Variants in HIC2 observed in about 807,000 individuals in gnomAD.
HIC2 encodes HIC ZBTB transcriptional repressor 2.
A neutral mutation model predicts 39.5 loss-of-function variants in HIC2; 2 were observed. That is an observed-to-expected ratio of 0.05 (90% CI 0.02 to 0.16). The LOEUF is 0.16. Among genes scored for constraint, HIC2 ranks in the 10% least tolerant of loss-of-function variants. HIC2 has a pLI of 1.00. For synonymous variants in HIC2, 399 were observed against 368.8 expected, an observed-to-expected ratio of 1.08 and a Z score of -0.94; for missense variants, 713 against 863.5, an observed-to-expected ratio of 0.83 and a Z score of 2.18.
At position 21,445,453 on chromosome 22, in the gene HIC2, C is replaced by T. The variant is rs762669753; in HGVS notation, c.558C>T (p.His186=). The T allele has an allele frequency of 4.7e-5, 72 of 1,535,702 alleles. No homozygotes were observed. The highest frequency in any genetic ancestry group is 1.8e-4 in the Middle Eastern group (1 of 5,690). The change falls in exon 3 of 3, where the codon CAC becomes CAT. Residue 186 remains histidine, a synonymous_variant. Coordinates refer to ENST00000407464, the MANE Select transcript of HIC2 (RefSeq NM_015094.3). ...QGLVDGRKGA[H]APQELPQAKG... is the part of the protein sequence containing the mutation. ...TCGTGGATGGGCGCAAGGGGGCCCA[C>T]GCCCCCCAGGAGCTCCCCCAAGCCA...
At chr22:21,430,878 A>C (rs1299436923) in intron 1 of HIC2, among the ~76,000 whole-genome samples, 1 of 111,654 alleles carries the variant, frequency 9.0e-6, no homozygotes, top group African/African-American at 3.9e-5. Context: ...AAAAAAAAAA[A>C]AAAAACAAAG....
At position 21,447,571 on chromosome 22, in the gene HIC2, C is replaced by G. The variant is rs1425966058; in HGVS notation, c.*828C>G. ...CCAAAGGCTTCCCTGGTCCCTGAGC[C>G]CTGCCTCGGCTGCCTCAGGGGAGAG... On this transcript the variant is annotated 3_prime_UTR_variant, in exon 3 of 3. Coordinates refer to ENST00000407464, the MANE Select transcript of HIC2 (RefSeq NM_015094.3). 2.0e-5 allele frequency: 3 copies of G among 152,716 alleles called. No homozygotes were observed. Among genetic ancestry groups the G allele is most frequent in the African/African-American group, 4.8e-5 (2 of 41,452 alleles). 9.5% of individuals were successfully genotyped at this position (152,716 alleles called of 1,614,324 possible).
chr22:21,431,928 G>A (rs1420409354), intron 1 of HIC2, among the ~76,000 whole-genome samples: 1 of 123,532 alleles, frequency 8.1e-6, no homozygotes, highest in African/African-American at 2.9e-5. Flanking sequence ...CTATGATCGC[G>A]CCACTGCACT....
In HIC2 at chr22:21,446,306, A is replaced by G; in HGVS notation, c.1411A>G (p.Ile471Val). 2 of 1,613,238 alleles carry G rather than the reference A, an allele frequency of 1.2e-6. No homozygotes were observed. The highest frequency in any genetic ancestry group is 8.5e-7 in the Non-Finnish European group (1 of 1,179,992). The change falls in exon 3 of 3, where the codon ATC (isoleucine) becomes GTC (valine). Residue 471 changes from isoleucine to valine, a missense_variant. Ile to Val is a conservative substitution (Grantham distance 29). This residue lies in a region of HIC2 where 103 missense variants were observed against 103.4 expected (regional missense o/e 1.00). Coordinates refer to ENST00000407464, the MANE Select transcript of HIC2 (RefSeq NM_015094.3). ...GACTCACACGGAGGAAGAGCTGTTC[A>G]TCAAGGAAGAGGGGGCCTACGAGAC... ...VETHTEEELF[I>V]KEEGAYETGS...
chr22:21,445,141 C>G lies in HIC2; in HGVS notation c.246C>G (p.Asn82Lys). The change falls in exon 3 of 3, where the codon AAC becomes AAG. Residue 82 changes from asparagine (N) to lysine (K), a missense_variant. Physicochemically the swap from Asn to Lys is moderately conservative, Grantham distance 94. Transcript: ENST00000407464. ...TGGTCCTGCACGACAACCTCATCAA[C>G]CTGGACACAGACATGGTCAGCTCCA... ...KSLVLHDNLI[N>K]LDTDMVSSTV... 1 of 1,614,220 alleles carries G rather than the reference C, an allele frequency of 6.2e-7. No homozygotes were observed. The highest frequency in any genetic ancestry group is 8.5e-7 in the Non-Finnish European group (1 of 1,180,042).
Position 21,447,478 on chromosome 22 carries a change from GT to G in HIC2, c.*736del, listed in dbSNP as rs1923920587. The G allele has an allele frequency of 6.5e-6, 1 of 152,674 alleles. No individual in the cohort carries two copies. The highest frequency in any genetic ancestry group is 1.5e-5 in the Non-Finnish European group (1 of 68,036). 9.5% of individuals were successfully genotyped at this position (152,674 alleles called of 1,614,324 possible). A position where few individuals can be genotyped will look rare whatever the true frequency, so the allele number is the denominator to read the frequency against. On this transcript the variant is annotated 3_prime_UTR_variant, in exon 3 of 3. Transcript: ENST00000407464. The stretch of plus-strand genomic sequence containing the variant: ...ACAGGGGCCGCTGGCACTCCTGCGC[GT>G]CCCCCGGCTCTGGCGCTGCAGGGGT...
chr22:21,425,565 G>T (rs1415616583), intron 1 of HIC2, among the ~76,000 whole-genome samples: 1 of 48,576 alleles, frequency 2.1e-5, no homozygotes, highest in East Asian at 3.6e-4. Flanking sequence ...TTTTTGAGAC[G>T]GAGTCTTGCC....
rs777592136 is a variant in HIC2 at position 21,446,340 on chromosome 22, G to C, written c.1445G>C (p.Gly482Ala). 1.2e-6 allele frequency: 2 copies of C among 1,612,920 alleles called. No individual in the cohort carries two copies. Among genetic ancestry groups the C allele is most frequent in the Non-Finnish European group, 1.7e-6 (2 of 1,179,972 alleles). The change falls in exon 3 of 3, where the codon GGG (glycine) becomes GCG (alanine). Residue 482 changes from glycine to alanine, a missense_variant. Coordinates refer to ENST00000407464, the MANE Select transcript of HIC2 (RefSeq NM_015094.3). The part of the protein sequence containing the change: ...KEEGAYETGS[G>A]GAEEEAEDLS... ...GAGGGGGCCTACGAGACAGGCAGTG[G>C]GGGTGCCGAGGAGGAGGCCGAGGAC...
intron 1 of HIC2, among the ~76,000 whole-genome samples, chr22:21,421,543 A>G (rs1401046156): frequency 1.4e-5 from 1 of 69,824 alleles, no homozygotes; most frequent in Non-Finnish European, 4.5e-5. Context: ...TATTCAATTT[A>G]TTTTTTATGG....
rs1923992693 is a variant in HIC2, at chr22:21,448,628, C to G, written c.*1885C>G. On this transcript the variant is annotated 3_prime_UTR_variant, in exon 3 of 3. Transcript: ENST00000407464. Reference sequence around the variant, plus strand: ...CCCCACCCCTCTAGAGACCCTCCAGCTAAAAACAGAGCCTGAGTTCAGGGA... The same window carrying G: ...CCCCACCCCTCTAGAGACCCTCCAGGTAAAAACAGAGCCTGAGTTCAGGGA... The G allele has an allele frequency of 6.5e-6, 1 of 152,730 alleles. No homozygotes were observed. Among genetic ancestry groups the G allele is most frequent in the Admixed American group, 6.5e-5 (1 of 15,276 alleles). The allele number at this position is 152,730 out of a possible 1,614,324, so 9.5% of individuals were successfully genotyped here. A position where few individuals can be genotyped will look rare whatever the true frequency, so the allele number is the denominator to read the frequency against.
rs891352096 is a variant in HIC2, at chr22:21,448,543, TTCTC to T, written c.*1806_*1809del. On this transcript the variant is annotated 3_prime_UTR_variant, in exon 3 of 3. Coordinates refer to ENST00000407464, the MANE Select transcript of HIC2 (RefSeq NM_015094.3). ...TGTCATCTTGCTTCACCATTTTTTT[TTCTC>T]TCTCTTTTCATTCTATTTTAAGTTT... is the stretch of plus-strand genomic sequence containing the variant. The T allele has an allele frequency of 2.6e-5, 4 of 152,812 alleles. No homozygotes were observed. Among genetic ancestry groups the T allele is most frequent in the African/African-American group, 9.6e-5 (4 of 41,492 alleles). The allele number at this position is 152,812 out of a possible 1,614,324, so 9.5% of individuals were successfully genotyped here. A position where few individuals can be genotyped will look rare whatever the true frequency, so the allele number is the denominator to read the frequency against.
At position 21,450,881 on chromosome 22, in the gene HIC2, C is replaced by T. The variant is rs1924148686; in HGVS notation, c.*4138C>T. On this transcript the variant is annotated 3_prime_UTR_variant, in exon 3 of 3. Coordinates refer to ENST00000407464, the MANE Select transcript of HIC2 (RefSeq NM_015094.3). The stretch of plus-strand genomic sequence containing the variant: ...TCAGTCACCCCACTTTAACTTTCTA[C>T]CAGGACCCCCTCCCCCTACCTCACC... 6.5e-6 allele frequency: 1 copy of T among 152,818 alleles called. No individual in the cohort carries two copies. The highest frequency in any genetic ancestry group is 1.5e-5 in the Non-Finnish European group (1 of 68,080). 9.5% of individuals were successfully genotyped at this position (152,818 alleles called of 1,614,324 possible). A position where few individuals can be genotyped will look rare whatever the true frequency, so the allele number is the denominator to read the frequency against.
chr22:21,451,244 T>C lies in HIC2; in HGVS notation c.*4501T>C, dbSNP rs2148349967. On this transcript the variant is annotated 3_prime_UTR_variant, in exon 3 of 3. Coordinates refer to ENST00000407464, the MANE Select transcript of HIC2 (RefSeq NM_015094.3). Reference sequence around the variant, plus strand: ...GGGGGGAGGGACACCGGGATCGCACTCCTGTACTGGCCACCGCCGCTGTCA... The same window carrying C: ...GGGGGGAGGGACACCGGGATCGCACCCCTGTACTGGCCACCGCCGCTGTCA... 6.5e-6 allele frequency: 1 copy of C among 152,934 alleles called. No individual in the cohort carries two copies. Among genetic ancestry groups the C allele is most frequent in the African/African-American group, 2.4e-5 (1 of 41,582 alleles). 9.5% of individuals were successfully genotyped at this position (152,934 alleles called of 1,614,324 possible). A position where few individuals can be genotyped will look rare whatever the true frequency, so the allele number is the denominator to read the frequency against.
rs1433542542 is a variant in HIC2, at chr22:21,450,307, G to A, written c.*3564G>A. On this transcript the variant is annotated 3_prime_UTR_variant, in exon 3 of 3. Transcript: ENST00000407464. Reference sequence around the variant, plus strand: ...ACTCGCAGCATAGCCATACACCTCAGCCTGTGAAATGAACGATCCGGACCC... The same window carrying A: ...ACTCGCAGCATAGCCATACACCTCAACCTGTGAAATGAACGATCCGGACCC... 6.5e-6 allele frequency: 1 copy of A among 152,766 alleles called. No individual in the cohort carries two copies. The highest frequency in any genetic ancestry group is 2.4e-5 in the African/African-American group (1 of 41,436). 9.5% of individuals were successfully genotyped at this position (152,766 alleles called of 1,614,324 possible).
At position 21,446,677 on chromosome 22, in the gene HIC2, C is replaced by T. The variant is rs759699909; in HGVS notation, c.1782C>T (p.Cys594=). The T allele has an allele frequency of 5.0e-6, 8 of 1,613,674 alleles. No homozygotes were observed. Among genetic ancestry groups the T allele is most frequent in the South Asian group, 3.3e-5 (3 of 91,068 alleles). Residue 594 remains cysteine (C), a synonymous_variant, in exon 3 of 3, where the codon TGC becomes TGT. Coordinates refer to ENST00000407464, the MANE Select transcript of HIC2 (RefSeq NM_015094.3). ...SGEKPYECQL[C]GGKFTQQRNL... Reference sequence around the variant, plus strand: ...AGAAACCTTACGAGTGCCAGCTGTGCGGGGGCAAGTTCACCCAGCAGCGCA... The same window carrying T: ...AGAAACCTTACGAGTGCCAGCTGTGTGGGGGCAAGTTCACCCAGCAGCGCA...
rs1923913806 is a variant in HIC2 at position 21,447,359 on chromosome 22, CTTTTTGATTTTTG to C, written c.*622_*634del. On this transcript the variant is annotated 3_prime_UTR_variant, in exon 3 of 3. Coordinates refer to ENST00000407464, the MANE Select transcript of HIC2 (RefSeq NM_015094.3). ...CCTACTGATCTGTTCCTCTGTTTTT[CTTTTTGATTTTTG>C]TTTTTTAAACCAAAACAGACAATAG... 1.3e-5 allele frequency: 2 copies of C among 152,900 alleles called. No homozygotes were observed. The highest frequency in any genetic ancestry group is 2.9e-5 in the Non-Finnish European group (2 of 68,120). 9.5% of individuals were successfully genotyped at this position (152,900 alleles called of 1,614,324 possible).
At position 21,421,757 on chromosome 22, in the gene HIC2, G is replaced by C. The variant is rs1388674911; in HGVS notation, c.-74+4197G>C. The stretch of plus-strand genomic sequence containing the variant: ...TAAGGGTGATCACACATGGGGTGTG[G>C]TGAGGAGGGAGTATGTGGAGTCCCC... On this transcript the variant is annotated intron_variant, in intron 1 of 2. Coordinates refer to ENST00000407464, the MANE Select transcript of HIC2 (RefSeq NM_015094.3). 5.3e-5 allele frequency among the ~76,000 whole-genome samples: 4 copies of C among 75,974 alleles called. 1 individual carries two copies. The highest frequency in any genetic ancestry group is 1.6e-4 in the Non-Finnish European group (4 of 25,766). 49.8% of individuals were successfully genotyped at this position (75,974 alleles called of 152,430 possible).
chr22:21,444,739 G>A (rs866451225), intron 2 of HIC2, among the ~76,000 whole-genome samples, 183 bp from the exon 3 acceptor site: 1 of 152,216 alleles, frequency 6.6e-6, no homozygotes, highest in South Asian at 2.1e-4. Context: ...GAGGTGACAC[G>A]TGTACTGCGC....
At chr22:21,444,712 CA>C (rs1923703572) in intron 2 of HIC2, among the ~76,000 whole-genome samples, 3 of 152,222 alleles carry the variant, frequency 2.0e-5, no homozygotes, top group African/African-American at 7.2e-5. Context: ...TGTCCCTTCT[CA>C]GTTTGAGTCC....
Sources: gnomAD v4.1 joint callset for allele counts (sites outside exome capture counted in the v4.1 genomes callset) on GRCh38, gnomAD v4.1.1 for gene constraint, gnomAD v4.1.1 regional missense constraint, MANE v1.5 for transcripts, NCBI Gene and HGNC (gene_info 2026-07-23, HGNC 2026-07-21) for gene names.